ZFHX2: variants seen among roughly 807,000 people sequenced by gnomAD.
ZFHX2 encodes the protein zinc finger homeobox 2.
A neutral mutation model predicts 164.8 loss-of-function variants in ZFHX2; 75 were observed. That is an observed-to-expected ratio of 0.46 (90% confidence interval 0.38 to 0.55). The LOEUF (loss-of-function observed/expected upper bound fraction) is 0.55, where lower values mean the gene tolerates loss of function less well. ZFHX2 is among the 20% of genes least tolerant of loss of function. The probability of loss-of-function intolerance (pLI) is 0.00; values close to 1 mark genes in which losing one functional copy is unlikely to be tolerated. For synonymous variants in ZFHX2, 1,217 were observed against 1,351.4 expected, an observed-to-expected ratio of 0.90 and a Z score of 2.18; for missense variants, 2,933 against 3,308.0, an observed-to-expected ratio of 0.89 and a Z score of 2.78.
chr14:23,546,630 G>A lies in ZFHX2; in HGVS notation c.-50+4713C>T, dbSNP rs994147990. On this transcript the variant is annotated intron_variant, in intron 1 of 9. Transcript: ENST00000419474. This position sits in a 1 kb window ranked among gnomAD's most constrained non-coding sequence, Gnocchi z 4.7. Reference sequence around the variant, plus strand: ...TTGCCAGCCTGGGGAGGAGGGATGGGCAGGCAGTTCCCTAGGACTTTCCCC... The same window carrying A: ...TTGCCAGCCTGGGGAGGAGGGATGGACAGGCAGTTCCCTAGGACTTTCCCC... Among the ~76,000 whole-genome samples the A allele has an allele frequency of 2.0e-5, 3 of 152,162 alleles. No individual in the cohort carries two copies. Among genetic ancestry groups the A allele is most frequent in the Admixed American group, 6.5e-5 (1 of 15,282 alleles).
Position 23,525,084 on chromosome 14 carries a change from G to T in ZFHX2, c.4858C>A (p.Pro1620Thr). The T allele has an allele frequency of 6.5e-7, 1 of 1,536,192 alleles. No individual in the cohort carries two copies. ...LQSFFETSAY[P>T]KDGEVERLAS... ...AGTCGCTCCACCTCTCCGTCTTTGG[G>T]GTAGGCGCTAGTCTCAAAGAAAGAC... Residue 1620 changes from proline (P) to threonine (T), a missense_variant, in exon 9 of 10, where the codon CCC (proline) becomes ACC (threonine). By Grantham distance (38) the Pro-to-Thr change is conservative. Transcript: ENST00000419474. This position sits in a 1 kb window ranked among gnomAD's most constrained non-coding sequence, Gnocchi z 5.9.
rs1414311643 is a variant in ZFHX2 at position 23,526,592 on chromosome 14, C to T, written c.3350G>A (p.Gly1117Glu). The change falls in exon 9 of 10, where the codon GGA becomes GAA. Residue 1117 changes from glycine to glutamate, a missense_variant. Physicochemically the swap from Gly to Glu is moderately conservative, Grantham distance 98. Coordinates refer to ENST00000419474, the MANE Select transcript of ZFHX2 (RefSeq NM_033400.3). ...TGGAGAAGGGGGTTGGCCAGGGCTT[C>T]CTGAGGGTTTGTCTGGGACCTCAAC... Reference protein sequence around the residue: ...ASVEVPDKPSGSPGQPPSPAP... With the variant: ...ASVEVPDKPSESPGQPPSPAP... 1 of 1,535,600 alleles carries T rather than the reference C, an allele frequency of 6.5e-7. No homozygotes were observed. Among genetic ancestry groups the T allele is most frequent in the Non-Finnish European group, 8.7e-7 (1 of 1,146,796 alleles).
Position 23,525,151 on chromosome 14 carries a change from G to A in ZFHX2, c.4791C>T (p.Phe1597=), listed in dbSNP as rs767309953. 1.3e-5 allele frequency: 20 copies of A among 1,536,160 alleles called. No individual in the cohort carries two copies. The South Asian group carries it at 2.4e-4, about 18-fold the overall frequency. Residue 1597 remains phenylalanine, a synonymous_variant, in exon 9 of 10, where the codon TTC becomes TTT. Transcript: ENST00000419474. This position sits in a 1 kb window ranked among gnomAD's most constrained non-coding sequence, Gnocchi z 5.9. ...LPPLVPAGRR[F]SRTKFTEFQT... is the part of the protein sequence containing the mutation. ...GGAACTCTGTGAACTTGGTTCTGGA[G>A]AACCGGCGGCCGGCAGGCACCAGGG...
chr14:23,527,831 G>A (rs182291797), intron 6 of ZFHX2, 27 bp from the exon 7 acceptor site: 93 of 1,531,302 alleles, frequency 6.1e-5, no homozygotes, highest in East Asian at 7.4e-5. Context: ...GGCAGTGGAC[G>A]AAGTGTCAGG....
In ZFHX2 at chr14:23,534,818, G is replaced by A; in HGVS notation, c.508C>T (p.His170Tyr). ...ATTGGGTCAAAGCCATGTTGGATGT[G>A]AAGGGCAGTGAGGTGTGAGGGGGGT... ...YPPPSHLTAL[H>Y]IQHGFDPIQG... The change falls in exon 2 of 10, where the codon CAC (histidine) becomes TAC (tyrosine). Residue 170 changes from histidine (H) to tyrosine (Y), a missense_variant. By Grantham distance (83) the His-to-Tyr change is moderately conservative. Coordinates refer to ENST00000419474, the MANE Select transcript of ZFHX2 (RefSeq NM_033400.3). This position sits in a 1 kb window ranked among gnomAD's most constrained non-coding sequence, Gnocchi z 4.5. 1.3e-6 allele frequency: 2 copies of A among 1,536,182 alleles called. No individual in the cohort carries two copies. Among genetic ancestry groups the A allele is most frequent in the Non-Finnish European group, 1.7e-6 (2 of 1,146,900 alleles).
At chr14:23,538,524 G>C (rs1204334250) in intron 1 of ZFHX2, among the ~76,000 whole-genome samples, 1 of 151,952 alleles carries the variant, frequency 6.6e-6, no homozygotes, top group African/African-American at 2.4e-5. Flanking sequence ...TGCAGAAACG[G>C]ACAGGCCTAA....
intron 3 of ZFHX2, 166 bp downstream of exon 3, chr14:23,532,387 GGTCTCTTTCTCCAT>G: frequency 1.4e-6 from 1 of 692,808 alleles, no homozygotes; most frequent in Non-Finnish European, 2.1e-6. Flanking sequence ...ACTATCCTTT[GGTCTCTTTCTCCAT>G]GTCTGTCACT....
At chr14:23,545,711 C>G (rs2138896807) in intron 1 of ZFHX2, among the ~76,000 whole-genome samples, 1 of 152,308 alleles carries the variant, frequency 6.6e-6, no homozygotes, top group East Asian at 1.9e-4. Flanking sequence ...AAGCAGACCA[C>G]TGATACAGAA....
intron 1 of ZFHX2, among the ~76,000 whole-genome samples, chr14:23,539,680 T>C (rs936839921): frequency 6.6e-6 from 1 of 152,162 alleles, no homozygotes; most frequent in Non-Finnish European, 1.5e-5. Flanking sequence ...GAGGCAAAGC[T>C]GACCAGGGGT....
In ZFHX2 at chr14:23,524,365, G is replaced by A. The variant is rs1380658596; in HGVS notation, c.5577C>T (p.Arg1859=). Residue 1859 remains arginine, a synonymous_variant, in exon 9 of 10, where the codon CGC becomes CGT. Transcript: ENST00000419474. The surrounding 1 kb of genome is among the most constrained non-coding windows in gnomAD (Gnocchi z 5.6). ...GGEGEPPRDK[R]LRTTILPEQL... ...GCTCAGGCAAGATGGTGGTGCGCAG[G>A]CGCTTGTCCCTGGGGGGCTCGCCCT... is the stretch of plus-strand genomic sequence containing the variant. The A allele has an allele frequency of 1.3e-6, 2 of 1,536,148 alleles. No individual in the cohort carries two copies. Among genetic ancestry groups the A allele is most frequent in the Admixed American group, 2.0e-5 (1 of 50,988 alleles).
chr14:23,535,416 G>A lies in ZFHX2; in HGVS notation c.-49-42C>T. 1 of 1,391,946 alleles carries A rather than the reference G, an allele frequency of 7.2e-7. No individual in the cohort carries two copies. Among genetic ancestry groups the A allele is most frequent in the South Asian group, 1.8e-5 (1 of 56,204 alleles). 86.2% of individuals were successfully genotyped at this position (1,391,946 alleles called of 1,614,324 possible). On this transcript the variant is annotated intron_variant, in intron 1 of 9. Coordinates refer to ENST00000419474, the MANE Select transcript of ZFHX2 (RefSeq NM_033400.3). This position sits in a 1 kb window ranked among gnomAD's most constrained non-coding sequence, Gnocchi z 4.5. ...AGAGAGCAGTGCTGTGAGGCTGCAGGGACCCCAGCTGGGCAGCTGGATCTC... is the reference window on the plus strand; with the variant it reads ...AGAGAGCAGTGCTGTGAGGCTGCAGAGACCCCAGCTGGGCAGCTGGATCTC...
intron 6 of ZFHX2, among the ~76,000 whole-genome samples, chr14:23,528,353 C>G (rs995263468): frequency 2.6e-5 from 4 of 152,206 alleles, no homozygotes; most frequent in African/African-American, 9.6e-5. Flanking sequence ...CCTTGCACTC[C>G]TTCTTTGTCT....
Position 23,538,843 on chromosome 14 carries a change from A to G in ZFHX2, c.-49-3469T>C, listed in dbSNP as rs1880478386. ...GAAGGAGAGGGGTTAGGGGAGACAG[A>G]GCAGGCAGTGGCGGTGCTGTGATTA... On this transcript the variant is annotated intron_variant, in intron 1 of 9. Transcript: ENST00000419474. Among the ~76,000 whole-genome samples, 6 of 152,088 alleles carry G rather than the reference A, an allele frequency of 3.9e-5. No homozygotes were observed. The South Asian group carries it at 1.2e-3, about 32-fold the overall frequency.
chr14:23,531,398 T>C, intron 4 of ZFHX2, 83 bp downstream of exon 4: 1 of 1,328,256 alleles, frequency 7.5e-7, no homozygotes, highest in Non-Finnish European at 9.6e-7. Context: ...CTTCCTTGTA[T>C]CTCTAACTCC....
intron 1 of ZFHX2, among the ~76,000 whole-genome samples, chr14:23,545,104 C>T (rs941767153): frequency 6.6e-6 from 1 of 152,162 alleles, no homozygotes; most frequent in Non-Finnish European, 1.5e-5. Context: ...CCCTCTCCCC[C>T]GCCCTTCACG....
Position 23,526,866 on chromosome 14 carries a change from C to T in ZFHX2, c.3243G>A (p.Pro1081=), listed in dbSNP as rs549697582. The T allele has an allele frequency of 4.3e-5, 66 of 1,532,152 alleles. No homozygotes were observed. In the South Asian group the frequency reaches 5.5e-4, roughly 13 times the overall value. 94.9% of individuals were successfully genotyped at this position (1,532,152 alleles called of 1,614,324 possible). ...CCTTACCTGCTGCCTGGTCTCTGCT[C>T]GGTGTAGGCTCTGGCCCATGAGTGG... is the stretch of plus-strand genomic sequence containing the variant. ...EPPTHGPEPT[P]SRDQAAEGPN... is the part of the protein sequence containing the mutation. Residue 1081 remains proline (P), a synonymous_variant, in exon 8 of 10, where the codon CCG becomes CCA. Coordinates refer to ENST00000419474, the MANE Select transcript of ZFHX2 (RefSeq NM_033400.3).
Position 23,532,601 on chromosome 14 carries a change from C to T in ZFHX2, c.2525G>A (p.Gly842Asp). Reference sequence around the variant, plus strand: ...TTGGCTGTTTTCTTCGTGGGCTGCACCCCTGGCATGCAGCTGCATCTTCTC... The same window carrying T: ...TTGGCTGTTTTCTTCGTGGGCTGCATCCCTGGCATGCAGCTGCATCTTCTC... Reference protein sequence around the residue: ...SKEKMQLHARGAAHEENSQIY... With the variant: ...SKEKMQLHARDAAHEENSQIY... Residue 842 changes from glycine to aspartate, a missense_variant, in exon 3 of 10, where the codon GGT becomes GAT. Gly to Asp is a moderately conservative substitution (Grantham distance 94). Coordinates refer to ENST00000419474, the MANE Select transcript of ZFHX2 (RefSeq NM_033400.3). The T allele has an allele frequency of 1.4e-6, 2 of 1,452,236 alleles. No individual in the cohort carries two copies. Among genetic ancestry groups the T allele is most frequent in the Non-Finnish European group, 1.8e-6 (2 of 1,105,450 alleles). The allele number at this position is 1,452,236 out of a possible 1,614,324, so 90.0% of individuals were successfully genotyped here.
Position 23,524,990 on chromosome 14 carries a change from C to T in ZFHX2, c.4952G>A (p.Arg1651His), listed in dbSNP as rs750182782. 9.1e-6 allele frequency: 14 copies of T among 1,536,236 alleles called. No individual in the cohort carries two copies. The highest frequency in any genetic ancestry group is 5.9e-5 in the Admixed American group (3 of 50,994). ...VWFQNARQKA[R>H]KNACEGGSMP... ...GGACCCACCCTCACAGGCATTTTTG[C>T]GTGCTTTCTGGCGGGCATTCTGGAA... is the stretch of plus-strand genomic sequence containing the variant. The change falls in exon 9 of 10, where the codon CGC becomes CAC. Residue 1651 changes from arginine to histidine, a missense_variant. Coordinates refer to ENST00000419474, the MANE Select transcript of ZFHX2 (RefSeq NM_033400.3). The surrounding 1 kb of genome is among the most constrained non-coding windows in gnomAD (Gnocchi z 5.6).
chr14:23,542,001 A>G (rs1203158740), intron 1 of ZFHX2, among the ~76,000 whole-genome samples: 2 of 152,188 alleles, frequency 1.3e-5, no homozygotes, highest in African/African-American at 4.8e-5. Flanking sequence ...TATGGCAGGG[A>G]ATGAGACAAG....
Sources: allele counts gnomAD v4.1 joint callset (sites outside exome capture counted in the v4.1 genomes callset), GRCh38; gene constraint gnomAD v4.1.1; non-coding constraint Gnocchi (gnomAD v3.1); transcripts MANE v1.5; gene names NCBI Gene and HGNC (gene_info 2026-07-23, HGNC 2026-07-21).